The following ASB7 variants were observed in gnomAD, a reference collection of about 807,000 sequenced individuals.
The protein encoded by ASB7 is ankyrin repeat and SOCS box protein 7.
A neutral mutation model predicts 32.5 loss-of-function variants in ASB7; 4 were observed. The observed-to-expected ratio is 0.12, with a 90% CI of 0.06 to 0.28. The LOEUF (loss-of-function observed/expected upper bound fraction) is 0.28. Among genes scored for constraint, ASB7 ranks in the 10% least tolerant of loss-of-function variants. ASB7 has a pLI of 1.00. For missense variants in ASB7, 181 were observed against 407.1 expected (o/e 0.44, Z 4.78); for synonymous variants, 172 against 155.6 (o/e 1.11, Z -0.78).
chr15:100,627,178 C>T (rs1209902905), intron 4 of ASB7, among the ~76,000 whole-genome samples: 2 of 151,888 alleles, frequency 1.3e-5, no homozygotes, highest in South Asian at 2.1e-4. Flanking sequence ...TTTAAATGAA[C>T]TTGTTGAGAT....
At chr15:100,622,171 T>A (rs2039797991) in intron 4 of ASB7, among the ~76,000 whole-genome samples, 1 of 146,074 alleles carries the variant, frequency 6.8e-6, no homozygotes, top group African/African-American at 2.5e-5. Context: ...AAAAAAGAAA[T>A]CATGAAGGTA....
Position 100,629,875 on chromosome 15 carries a change from C to T in ASB7, c.650C>T (p.Pro217Leu). ...NLGRLEDGQT[P>L]LHLSALRDDV... ...GGTCGCTTAGAAGACGGACAGACTC[C>T]TTTACACTTATCTGCCCTTAGGGAT... Residue 217 changes from proline (P) to leucine (L), a missense_variant, in exon 5 of 6, where the codon CCT (proline) becomes CTT (leucine). Pro to Leu is a moderately conservative substitution (Grantham distance 98). Transcript: ENST00000332783. The surrounding 1 kb of genome is among the most constrained non-coding windows in gnomAD (Gnocchi z 6.8). 6.2e-7 allele frequency: 1 copy of T among 1,614,204 alleles called. No individual in the cohort carries two copies. The highest frequency in any genetic ancestry group is 8.5e-7 in the Non-Finnish European group (1 of 1,180,030).
At chr15:100,610,732 T>C (rs560172617) in intron 3 of ASB7, among the ~76,000 whole-genome samples, 14 of 152,320 alleles carry the variant, frequency 9.2e-5, no homozygotes, top group Middle Eastern at 3.4e-3. Flanking sequence ...TTTTGCAAGA[T>C]AAACGATTGT....
At chr15:100,632,053 G>A (rs2411839) in intron 5 of ASB7, among the ~76,000 whole-genome samples, 101,837 of 152,170 alleles carry the variant, frequency 0.67, 34,501 homozygotes, top group East Asian at 0.82. Flanking sequence ...CGGCTGCCGT[G>A]TGTCCCTGAG....
chr15:100,650,689 A>G lies in ASB7; in HGVS notation c.*2227A>G, dbSNP rs188763227. 1.9e-4 allele frequency: 28 copies of G among 151,344 alleles called. No individual in the cohort carries two copies. In the East Asian group the frequency reaches 5.2e-3, roughly 28 times the overall value. 9.4% of individuals were successfully genotyped at this position (151,344 alleles called of 1,614,324 possible). A position where few individuals can be genotyped will look rare whatever the true frequency, so the allele number is the denominator to read the frequency against. ...TTCTGTATTGCTGCTGTGACTTCAGAAAAAAAAAATTATGAGAGCTCTTCC... is the reference window on the plus strand; with the variant it reads ...TTCTGTATTGCTGCTGTGACTTCAGGAAAAAAAAATTATGAGAGCTCTTCC... On this transcript the variant is annotated 3_prime_UTR_variant, in exon 6 of 6. Coordinates refer to ENST00000332783, the MANE Select transcript of ASB7 (RefSeq NM_198243.3).
At chr15:100,623,459 C>T (rs2141396025) in intron 4 of ASB7, among the ~76,000 whole-genome samples, 1 of 152,308 alleles carries the variant, frequency 6.6e-6, no homozygotes, top group Non-Finnish European at 1.5e-5. Flanking sequence ...AGAAGACATG[C>T]AGATGTCCAG....
Position 100,603,212 on chromosome 15 carries a change from T to A in ASB7, c.-272-3T>A, listed in dbSNP as rs2039580652. ...CACCACTCACTGGTTTCTGTTTTTCTAGGTTTGAGCTGGCTGAAGAAGACG... is the reference window on the plus strand; with the variant it reads ...CACCACTCACTGGTTTCTGTTTTTCAAGGTTTGAGCTGGCTGAAGAAGACG... On this transcript the variant is annotated splice_polypyrimidine_tract_variant and splice_region_variant and intron_variant, in intron 1 of 5. Transcript: ENST00000332783. 2.6e-6 allele frequency: 1 copy of A among 384,190 alleles called. No homozygotes were observed. The highest frequency in any genetic ancestry group is 4.6e-6 in the Non-Finnish European group (1 of 218,026). 23.8% of individuals were successfully genotyped at this position (384,190 alleles called of 1,614,324 possible).
At position 100,602,593 on chromosome 15, in the gene ASB7, A is replaced by AC. The variant is rs986558808; in HGVS notation, c.-722dup. ...TTGAAGGCTTGGTCCCATCCCAGTGACCCCAAAGTGCTGAAGGGAGGGGGC... is the reference window on the plus strand; with the variant it reads ...TTGAAGGCTTGGTCCCATCCCAGTGACCCCCAAAGTGCTGAAGGGAGGGGGC... On this transcript the variant is annotated 5_prime_UTR_variant, in exon 1 of 6. Transcript: ENST00000332783. 1.7e-5 allele frequency: 3 copies of AC among 174,944 alleles called. No homozygotes were observed. Among genetic ancestry groups the AC allele is most frequent in the African/African-American group, 7.1e-5 (3 of 42,104 alleles). The allele number at this position is 174,944 out of a possible 1,614,324, so 10.8% of individuals were successfully genotyped here.
intron 4 of ASB7, among the ~76,000 whole-genome samples, chr15:100,614,357 C>T (rs1403630745): frequency 6.6e-6 from 1 of 151,616 alleles, no homozygotes; most frequent in Non-Finnish European, 1.5e-5. Flanking sequence ...AATGATAATA[C>T]TGACTGTATA....
At position 100,612,264 on chromosome 15, in the gene ASB7, G is replaced by A; in HGVS notation, c.48G>A (p.Leu16=). The change falls in exon 4 of 6, where the codon TTG becomes TTA. Residue 16 remains leucine, a synonymous_variant. Coordinates refer to ENST00000332783, the MANE Select transcript of ASB7 (RefSeq NM_198243.3). ...GGAACCCTGAGCTCCAGGAAGAGTT[G>A]CAGATTCAGGCCGCGGTGGCTGCTG... ...CRRNPELQEE[L]QIQAAVAAGD... The A allele has an allele frequency of 6.2e-7, 1 of 1,614,198 alleles. No homozygotes were observed. Among genetic ancestry groups the A allele is most frequent in the South Asian group, 1.1e-5 (1 of 91,080 alleles).
In ASB7 at chr15:100,612,146, T is replaced by C; in HGVS notation, c.-51-20T>C. ...ACCAGTTATTCTAAATTTTACCTTT[T>C]CTACCTTCTCTTCTTAAAGGCTGAT... On this transcript the variant is annotated intron_variant, in intron 3 of 5. Transcript: ENST00000332783. 7.3e-7 allele frequency: 1 copy of C among 1,366,836 alleles called. No homozygotes were observed. Among genetic ancestry groups the C allele is most frequent in the Non-Finnish European group, 1.0e-6 (1 of 970,696 alleles). 84.7% of individuals were successfully genotyped at this position (1,366,836 alleles called of 1,614,324 possible).
chr15:100,635,532 G>A (rs996010786), intron 5 of ASB7, among the ~76,000 whole-genome samples: 4 of 152,168 alleles, frequency 2.6e-5, no homozygotes, highest in Admixed American at 1.3e-4. Flanking sequence ...GGTGCCAGAG[G>A]GTTCCGGTCC....
chr15:100,642,640 G>C (rs922859028), intron 5 of ASB7, among the ~76,000 whole-genome samples: 16 of 152,214 alleles, frequency 1.1e-4, no homozygotes, highest in African/African-American at 3.9e-4. Flanking sequence ...TAATGCTGCA[G>C]AACTTTAGTG....
In ASB7 at chr15:100,648,604, T is replaced by G. The variant is rs181636288; in HGVS notation, c.*142T>G. The G allele has an allele frequency of 7.0e-5, 45 of 642,496 alleles. No homozygotes were observed. Among genetic ancestry groups the G allele is most frequent in the Middle Eastern group, 4.5e-4 (1 of 2,234 alleles). The allele number at this position is 642,496 out of a possible 1,614,324, so 39.8% of individuals were successfully genotyped here. ...TATACACTTTTGGGTTTTCTGTTTG[T>G]TTGGTTGGTTTTCATTGTAGGGGAG... On this transcript the variant is annotated 3_prime_UTR_variant, in exon 6 of 6. Coordinates refer to ENST00000332783, the MANE Select transcript of ASB7 (RefSeq NM_198243.3).
rs187745492 is a variant in ASB7, at chr15:100,643,972, G to A, written c.818-4351G>A. On this transcript the variant is annotated intron_variant, in intron 5 of 5. Coordinates refer to ENST00000332783, the MANE Select transcript of ASB7 (RefSeq NM_198243.3). The stretch of plus-strand genomic sequence containing the variant: ...TTTTATTAATATTAAAAAGGGCCTG[G>A]CATGGCGGCTCATGCCCTTAATCCC... Among the ~76,000 whole-genome samples, 445 of 152,240 alleles carry A rather than the reference G, an allele frequency of 2.9e-3. 2 individuals carry two copies. Among genetic ancestry groups the A allele is most frequent in the African/African-American group, 9.9e-3 (413 of 41,534 alleles).
Position 100,603,248 on chromosome 15 carries a change from A to G in ASB7, c.-239A>G. On this transcript the variant is annotated 5_prime_UTR_variant, in exon 2 of 6. Transcript: ENST00000332783. ...TGGCTGAAGAAGACGCGAAAGCAGGAAGAGGTCTGCCCACCTATCAGAGAA... is the reference window on the plus strand; with the variant it reads ...TGGCTGAAGAAGACGCGAAAGCAGGGAGAGGTCTGCCCACCTATCAGAGAA... 2.7e-6 allele frequency: 1 copy of G among 365,718 alleles called. No individual in the cohort carries two copies. Among genetic ancestry groups the G allele is most frequent in the African/African-American group, 2.1e-5 (1 of 47,694 alleles). 22.7% of individuals were successfully genotyped at this position (365,718 alleles called of 1,614,324 possible). A position where few individuals can be genotyped will look rare whatever the true frequency, so the allele number is the denominator to read the frequency against.
At chr15:100,605,617 G>A (rs2039637883) in intron 2 of ASB7, among the ~76,000 whole-genome samples, 1 of 152,142 alleles carries the variant, frequency 6.6e-6, no homozygotes, top group African/African-American at 2.4e-5. Context: ...ATTTATATGG[G>A]CATATCTGTT....
chr15:100,624,164 T>C (rs1211829081), intron 4 of ASB7, among the ~76,000 whole-genome samples: 1 of 152,116 alleles, frequency 6.6e-6, no homozygotes, highest in African/African-American at 2.4e-5. Context: ...GGTATGTTGG[T>C]GGTAGGAGGA....
chr15:100,622,776 C>G (rs2039805200), intron 4 of ASB7, among the ~76,000 whole-genome samples: 1 of 152,108 alleles, frequency 6.6e-6, no homozygotes, highest in African/African-American at 2.4e-5. Flanking sequence ...TCACCATATG[C>G]AAAACAACAT....
Sources: allele counts gnomAD v4.1 joint callset (sites outside exome capture counted in the v4.1 genomes callset), GRCh38; gene constraint gnomAD v4.1.1; non-coding constraint Gnocchi (gnomAD v3.1); transcripts MANE v1.5; gene names NCBI Gene and HGNC (gene_info 2026-07-23, HGNC 2026-07-21).